Variants in MACF1 observed in about 807,000 individuals in gnomAD.
MACF1 encodes microtubule-actin cross-linking factor 1.
Under a neutral mutation model 854.8 loss-of-function variants are expected in MACF1, and 193 were observed. That is an observed-to-expected ratio of 0.23 (90% CI 0.20 to 0.25). The LOEUF (loss-of-function observed/expected upper bound fraction) is 0.25. MACF1 is among the 10% of genes least tolerant of loss of function. The pLI is 1.00. For synonymous variants in MACF1, 3,185 were observed against 3,226.7 expected (o/e 0.99, Z 0.44); for missense variants, 7,722 against 8,929.1 (o/e 0.86, Z 5.45).
intron 2 of MACF1, among the ~76,000 whole-genome samples, chr1:39,095,953 G>GAACCGGGAGGC (rs1641927068): frequency 6.6e-6 from 1 of 152,050 alleles, no homozygotes; most frequent in African/African-American, 2.4e-5. Flanking sequence ...AGAATCACTT[G>GAACCGGGAGGC]AGTCTGGGAT....
chr1:39,343,020 T>G (rs974105513), intron 40 of MACF1, among the ~76,000 whole-genome samples: 4 of 152,186 alleles, frequency 2.6e-5, no homozygotes, highest in Non-Finnish European at 5.9e-5. Flanking sequence ...GGGGCCACAG[T>G]TTGTTGACCC....
chr1:39,465,501 AG>A (rs1388805428), intron 95 of MACF1, among the ~76,000 whole-genome samples: 9 of 152,348 alleles, frequency 5.9e-5, no homozygotes, highest in Admixed American at 2.6e-4. Context: ...GAAGAACTTC[AG>A]TACTATTTAA....
chr1:39,106,735 T>G (rs965448813), intron 2 of MACF1, among the ~76,000 whole-genome samples: 3 of 151,862 alleles, frequency 2.0e-5, no homozygotes, highest in Non-Finnish European at 4.4e-5. Flanking sequence ...AGCGTACTTG[T>G]TTACAGCACC....
rs1644715123 is a variant in MACF1 at position 39,468,554 on chromosome 1, G to A, written c.21772-61G>A. 4.4e-6 allele frequency: 6 copies of A among 1,353,398 alleles called. No homozygotes were observed. In the African/African-American group the frequency reaches 7.2e-5, roughly 16 times the overall value. 83.8% of individuals were successfully genotyped at this position (1,353,398 alleles called of 1,614,324 possible). A position where few individuals can be genotyped will look rare whatever the true frequency, so the allele number is the denominator to read the frequency against. On this transcript the variant is annotated intron_variant, in intron 95 of 100. Coordinates refer to ENST00000564288, the MANE Select transcript of MACF1 (RefSeq NM_001394062.1). ...CCTGTCTGAATACAGTCTGCTTTGG[G>A]AGAAAAACATAGATCTGCTTTAAGA...
intron 49 of MACF1, among the ~76,000 whole-genome samples, chr1:39,363,437 C>T (rs1648377332): frequency 6.6e-6 from 1 of 151,994 alleles, no homozygotes; most frequent in African/African-American, 2.4e-5. Flanking sequence ...ATTCTCCATT[C>T]TTCCTTACAA....
Position 39,186,210 on chromosome 1 carries a change from CTCTCTGTGTGTGTGTGTG to C in MACF1, c.221-44970_221-44953del, listed in dbSNP as rs1263092548. Among the ~76,000 whole-genome samples the C allele has an allele frequency of 6.3e-3, 433 of 69,178 alleles. 3 individuals carry two copies. The highest frequency in any genetic ancestry group is 0.053 in the Middle Eastern group (7 of 132). The allele number at this position is 69,178 out of a possible 152,430, so 45.4% of individuals were successfully genotyped here. On this transcript the variant is annotated intron_variant, in intron 2 of 93. Coordinates refer to the MACF1 transcript ENST00000361689. Reference sequence around the variant, plus strand: ...TCTCTCTCTCTCTCTCTCTCTCTCTCTCTCTGTGTGTGTGTGTGTGTGTGTGTGTGTGTGTGTTTTGGT... The same window carrying C: ...TCTCTCTCTCTCTCTCTCTCTCTCTCTGTGTGTGTGTGTGTGTGTTTTGGT...
intron 2 of MACF1, among the ~76,000 whole-genome samples, chr1:39,086,506 T>C (rs1641677751): frequency 6.6e-6 from 1 of 152,174 alleles, no homozygotes; most frequent in African/African-American, 2.4e-5. Flanking sequence ...TCCCCAGTCT[T>C]GAAGGGCCAT....
At chr1:39,450,962 T>G in intron 84 of MACF1, 90 bp from the exon 85 acceptor site, 2 of 1,426,018 alleles carry the variant, frequency 1.4e-6, no homozygotes, top group South Asian at 2.6e-5. Flanking sequence ...TATATAGGGT[T>G]CAAGCAATAT....
chr1:39,406,786 T>G (rs1006606472), intron 58 of MACF1, among the ~76,000 whole-genome samples: 3 of 142,114 alleles, frequency 2.1e-5, no homozygotes, highest in African/African-American at 5.6e-5. Context: ...TAACCACCCA[T>G]GTTTCATCCA....
intron 2 of MACF1, among the ~76,000 whole-genome samples, chr1:39,181,145 C>T (rs974887926): frequency 9.9e-5 from 15 of 152,210 alleles, no homozygotes; most frequent in Non-Finnish European, 2.1e-4. Flanking sequence ...TGGCCTCAAG[C>T]GGTACACCCG....
chr1:39,321,513 A>G (rs1646515905), intron 31 of MACF1, among the ~76,000 whole-genome samples: 1 of 152,214 alleles, frequency 6.6e-6, no homozygotes, highest in South Asian at 2.1e-4. Context: ...GGAACTGCAT[A>G]ATCCCAGGCA....
chr1:39,476,799 T>A (rs946458189), intron 97 of MACF1, among the ~76,000 whole-genome samples: 1 of 151,486 alleles, frequency 6.6e-6, no homozygotes, highest in Non-Finnish European at 1.5e-5. Context: ...CTGATTTTTT[T>A]AATATATACA....
intron 2 of MACF1, among the ~76,000 whole-genome samples, chr1:39,176,952 T>C (rs189360588): frequency 1.7e-4 from 26 of 152,308 alleles, no homozygotes; most frequent in African/African-American, 6.0e-4. Flanking sequence ...TTATTACAGT[T>C]CCTTCCTTTA....
At chr1:39,390,492 A>G (rs1641989106) in intron 58 of MACF1, among the ~76,000 whole-genome samples, 1 of 152,232 alleles carries the variant, frequency 6.6e-6, no homozygotes, top group South Asian at 2.1e-4. Context: ...AGATAGTACA[A>G]TTTTGAGCAA....
intron 89 of MACF1, 148 bp from the exon 90 acceptor site, chr1:39,458,222 T>A (rs145179040): frequency 0.031 from 20,180 of 655,846 alleles, 392 homozygotes; most frequent in Non-Finnish European, 0.037. Context: ...CCAAACTACA[T>A]CCCTCAGTAA....
rs1396601103 is a variant in MACF1, at chr1:39,258,011, A to G, written c.511A>G (p.Ile171Val). 1.9e-6 allele frequency: 3 copies of G among 1,613,906 alleles called. No homozygotes were observed. The highest frequency in any genetic ancestry group is 1.6e-4 in the Middle Eastern group (1 of 6,084). ...GTTGACCCTGGGTCTGATCTGGACC[A>G]TTATTTTGCATTTCCAGGTAGGGCA... ...PKLTLGLIWT[I>V]ILHFQISDIY... The change falls in exon 6 of 101, where the codon ATT becomes GTT. Residue 171 changes from isoleucine (I) to valine (V), a missense_variant. Around this residue, in one of 15 missense-constraint regions of MACF1, gnomAD observed 108 missense variants for 196.4 expected, o/e 0.55. Coordinates refer to ENST00000564288, the MANE Select transcript of MACF1 (RefSeq NM_001394062.1).
chr1:39,388,071 G>A lies in MACF1; in HGVS notation c.15229G>A (p.Val5077Ile). Residue 5077 changes from valine (V) to isoleucine (I), a missense_variant, in exon 58 of 101, where the codon GTA becomes ATA. This residue lies in a region of MACF1 where 2,807 missense variants were observed against 3,235.8 expected (regional missense o/e 0.87). Coordinates refer to ENST00000564288, the MANE Select transcript of MACF1 (RefSeq NM_001394062.1). ...DYLRNFTQGL[V>I]EDAPDGSDAS... ...TCTGAGGAACTTTACTCAGGGTCTG[G>A]TAGAAGATGCCCCAGATGGATCTGA... The A allele has an allele frequency of 3.1e-6, 5 of 1,614,100 alleles. No homozygotes were observed. Among genetic ancestry groups the A allele is most frequent in the Non-Finnish European group, 3.4e-6 (4 of 1,180,014 alleles).
At position 39,452,454 on chromosome 1, in the gene MACF1, C is replaced by T. The variant is rs914023147; in HGVS notation, c.20613+104C>T. 139 of 1,254,782 alleles carry T rather than the reference C, an allele frequency of 1.1e-4. No individual in the cohort carries two copies. The East Asian group carries it at 3.3e-3, about 29-fold the overall frequency. The allele number at this position is 1,254,782 out of a possible 1,614,324, so 77.7% of individuals were successfully genotyped here. ...CCAGTCAGTCTTGAAATAAGTATAA[C>T]AGAGTTGAAAATTGATATTCTGAAT... On this transcript the variant is annotated intron_variant, in intron 86 of 100. Coordinates refer to ENST00000564288, the MANE Select transcript of MACF1 (RefSeq NM_001394062.1).
intron 2 of MACF1, among the ~76,000 whole-genome samples, chr1:39,130,163 C>CA (rs1642963364): frequency 6.6e-6 from 1 of 152,212 alleles, no homozygotes; most frequent in Admixed American, 6.5e-5. Context: ...TTTTCCCCCC[C>CA]ATTCATGGGG....
Sources: gnomAD v4.1 joint callset for allele counts (sites outside exome capture counted in the v4.1 genomes callset) on GRCh38, gnomAD v4.1.1 for gene constraint, gnomAD v4.1.1 regional missense constraint, MANE v1.5 for transcripts, NCBI Gene and HGNC (gene_info 2026-07-23, HGNC 2026-07-21) for gene names.